CLMN: variants seen among roughly 807,000 people sequenced by gnomAD.
CLMN encodes calmin (calponin-like, transmembrane).
CLMN carries 57 observed loss-of-function variants against 92.7 expected under a neutral mutation model. The observed-to-expected ratio is 0.61, with a 90% CI of 0.50 to 0.77. The LOEUF (loss-of-function observed/expected upper bound fraction) is 0.77. Ranked by LOEUF, CLMN falls within the 30% of genes least tolerant of loss-of-function variation. The probability of loss-of-function intolerance (pLI) is 0.00; values close to 1 mark genes in which losing one functional copy is unlikely to be tolerated. For synonymous variants in CLMN, 466 were observed against 470.6 expected, an observed-to-expected ratio of 0.99 and a Z score of 0.13; for missense variants, 1,158 against 1,237.5, an observed-to-expected ratio of 0.94 and a Z score of 0.96.
chr14:95,208,376 C>G (rs762010948), intron 8 of CLMN, among the ~76,000 whole-genome samples: 1 of 152,062 alleles, frequency 6.6e-6, no homozygotes, highest in African/African-American at 2.4e-5. Context: ...GGGAGTTCAA[C>G]GGGGCCAGGA....
At chr14:95,238,025 C>T (rs915757422) in intron 1 of CLMN, among the ~76,000 whole-genome samples, 7 of 152,192 alleles carry the variant, frequency 4.6e-5, no homozygotes, top group African/African-American at 9.6e-5. Flanking sequence ...CCAAGTGAGG[C>T]GGCCCAGCCA....
intron 1 of CLMN, among the ~76,000 whole-genome samples, chr14:95,292,143 T>C (rs978041692): frequency 6.6e-6 from 1 of 152,050 alleles, no homozygotes; most frequent in East Asian, 1.9e-4. Context: ...TCCACACAAC[T>C]ACACGTCCTT....
At chr14:95,319,617 GC>G (rs1901955530) in intron 1 of CLMN, 93 bp downstream of exon 1, 4 of 1,014,234 alleles carry the variant, frequency 3.9e-6, no homozygotes, top group Non-Finnish European at 5.6e-6. Context: ...CGGCCGGCGA[GC>G]GGGGGCGGCG....
chr14:95,216,028 G>C (rs977328419), intron 4 of CLMN, among the ~76,000 whole-genome samples: 1 of 152,130 alleles, frequency 6.6e-6, no homozygotes, highest in Non-Finnish European at 1.5e-5. Context: ...TGATGTAGGT[G>C]TATTAGTCCG....
At position 95,204,338 on chromosome 14, in the gene CLMN, A is replaced by C. The variant is rs1303085595; in HGVS notation, c.1011T>G (p.Thr337=). 1 of 1,614,148 alleles carries C rather than the reference A, an allele frequency of 6.2e-7. No homozygotes were observed. The highest frequency in any genetic ancestry group is 1.1e-5 in the South Asian group (1 of 91,080). Residue 337 remains threonine, a synonymous_variant, in exon 9 of 13, where the codon ACT becomes ACG. Coordinates refer to ENST00000298912, the MANE Select transcript of CLMN (RefSeq NM_024734.4). ...VLTENGERTY[T]VNHETSHPPP... ...GTGGGTGGCTGGTTTCATGGTTAAC[A>C]GTGTAGGTACGCTCCCCATTTTCAG...
chr14:95,245,215 TA>T (rs1202481537), intron 1 of CLMN, among the ~76,000 whole-genome samples: 629 of 35,340 alleles, frequency 0.018, 44 homozygotes, highest in African/African-American at 0.092. Context: ...ATATTATATA[TA>T]TATATATATT....
At chr14:95,233,192 A>G (rs1897943506) in intron 1 of CLMN, among the ~76,000 whole-genome samples, 1 of 151,980 alleles carries the variant, frequency 6.6e-6, no homozygotes, top group African/African-American at 2.4e-5. Flanking sequence ...ATCCCCTGAA[A>G]CAGAAGTGCA....
In CLMN at chr14:95,194,269, G is replaced by T; in HGVS notation, c.2769+267C>A. 1.4e-6 allele frequency: 2 copies of T among 1,399,082 alleles called. No homozygotes were observed. The highest frequency in any genetic ancestry group is 1.9e-6 in the Non-Finnish European group (2 of 1,080,870). The allele number at this position is 1,399,082 out of a possible 1,614,324, so 86.7% of individuals were successfully genotyped here. A position where few individuals can be genotyped will look rare whatever the true frequency, so the allele number is the denominator to read the frequency against. Reference sequence around the variant, plus strand: ...ACGTGATCCTTCTGGGTGCGCGCGGGGTCCAGGTGAGGCGTTTTGGGTGCG... The same window carrying T: ...ACGTGATCCTTCTGGGTGCGCGCGGTGTCCAGGTGAGGCGTTTTGGGTGCG... On this transcript the variant is annotated intron_variant, in intron 11 of 12. Coordinates refer to ENST00000298912, the MANE Select transcript of CLMN (RefSeq NM_024734.4). This position sits in a 1 kb window ranked among gnomAD's most constrained non-coding sequence, Gnocchi z 4.0.
At chr14:95,209,022 T>C (rs1482475876) in intron 8 of CLMN, among the ~76,000 whole-genome samples, 2 of 152,222 alleles carry the variant, frequency 1.3e-5, no homozygotes, top group Non-Finnish European at 2.9e-5. Context: ...GCAAAAGTAA[T>C]GATGTCGGCC....
Position 95,204,375 on chromosome 14 carries a change from A to C in CLMN, c.974T>G (p.Val325Gly). 6.2e-7 allele frequency: 1 copy of C among 1,614,114 alleles called. No homozygotes were observed. ...CTCCCCATTTTCAGTCAGAACGAAG[A>C]CTTTGCTCTCCTGTTCAGAAGGAGT... Reference protein sequence around the residue: ...KETPSEQESKVFVLTENGERT... With the variant: ...KETPSEQESKGFVLTENGERT... The change falls in exon 9 of 13, where the codon GTC (valine) becomes GGC (glycine). Residue 325 changes from valine (V) to glycine (G), a missense_variant. Coordinates refer to ENST00000298912, the MANE Select transcript of CLMN (RefSeq NM_024734.4).
Position 95,269,904 on chromosome 14 carries a change from G to A in CLMN, c.83-39771C>T, listed in dbSNP as rs569276906. 5.9e-5 allele frequency among the ~76,000 whole-genome samples: 9 copies of A among 151,620 alleles called. No individual in the cohort carries two copies. The South Asian group carries it at 1.9e-3, about 31-fold the overall frequency. Reference sequence around the variant, plus strand: ...ACCCCAATCCACAGGCTGGAGGTTGGTGCCTGTCCCTGCATGCCCCTGCAG... The same window carrying A: ...ACCCCAATCCACAGGCTGGAGGTTGATGCCTGTCCCTGCATGCCCCTGCAG... On this transcript the variant is annotated intron_variant, in intron 1 of 12. Transcript: ENST00000298912.
At chr14:95,305,382 C>A (rs1901235410) in intron 1 of CLMN, among the ~76,000 whole-genome samples, 1 of 152,226 alleles carries the variant, frequency 6.6e-6, no homozygotes, top group Non-Finnish European at 1.5e-5. Flanking sequence ...TGACCATCCT[C>A]AGCACGTATG....
chr14:95,207,603 G>A (rs1263929843), intron 8 of CLMN, among the ~76,000 whole-genome samples: 1 of 152,198 alleles, frequency 6.6e-6, no homozygotes, highest in Admixed American at 6.5e-5. Context: ...ATGTGGGTCA[G>A]ATTTCCATTT....
chr14:95,306,043 T>C (rs1434157707), intron 1 of CLMN, among the ~76,000 whole-genome samples: 1 of 152,102 alleles, frequency 6.6e-6, no homozygotes, highest in Non-Finnish European at 1.5e-5. Context: ...TGTGCTCCTG[T>C]ATGCAACGAG....
chr14:95,218,736 A>G (rs1160048349), intron 4 of CLMN, among the ~76,000 whole-genome samples: 3 of 152,266 alleles, frequency 2.0e-5, no homozygotes, highest in Admixed American at 6.5e-5. Context: ...CCTGCCTGGT[A>G]AATGGGGCCC....
chr14:95,212,493 T>G (rs920922193), intron 6 of CLMN, among the ~76,000 whole-genome samples: 3 of 152,222 alleles, frequency 2.0e-5, no homozygotes, highest in Non-Finnish European at 4.4e-5. Context: ...GGGCCGGAAC[T>G]TGGCTCCAGT....
intron 1 of CLMN, among the ~76,000 whole-genome samples, chr14:95,283,068 T>A (rs1900199900): frequency 6.6e-6 from 1 of 152,204 alleles, no homozygotes; most frequent in African/African-American, 2.4e-5. Context: ...TGTGTCCCCA[T>A]CCAAATCTCA....
At chr14:95,311,380 C>T (rs139924019) in intron 1 of CLMN, among the ~76,000 whole-genome samples, 3 of 152,230 alleles carry the variant, frequency 2.0e-5, no homozygotes, top group East Asian at 1.9e-4. Context: ...AGGGGTGGGG[C>T]GTGCCTCCAC....
At chr14:95,305,962 A>C (rs535855803) in intron 1 of CLMN, among the ~76,000 whole-genome samples, 223 of 152,338 alleles carry the variant, frequency 1.5e-3, no homozygotes, top group Non-Finnish European at 2.2e-3. Context: ...CAAGAATTAG[A>C]GTATAAGTTC....
Sources: allele counts gnomAD v4.1 joint callset (sites outside exome capture counted in the v4.1 genomes callset), GRCh38; gene constraint gnomAD v4.1.1; non-coding constraint Gnocchi (gnomAD v3.1); transcripts MANE v1.5; gene names NCBI Gene and HGNC (gene_info 2026-07-23, HGNC 2026-07-21).